Variants in PTCHD4 observed in about 807,000 individuals in gnomAD.
PTCHD4 encodes patched domain-containing protein 4.
PTCHD4 carries 33 observed loss-of-function variants against 58.1 expected under a neutral mutation model. That is an observed-to-expected ratio of 0.57 (90% CI 0.43 to 0.76). The LOEUF (loss-of-function observed/expected upper bound fraction) is 0.76, where lower values mean the gene tolerates loss of function less well. Among genes scored for constraint, PTCHD4 ranks in the 30% least tolerant of loss-of-function variants. The pLI is 0.00. For missense variants in PTCHD4, 1,058 were observed against 1,027.1 expected (o/e 1.03, Z -0.41); for synonymous variants, 478 against 409.6 (o/e 1.17, Z -2.02).
In PTCHD4 at chr6:47,860,753, A is replaced by G. The variant is rs760651857; in HGVS notation, c.*17550T>C. Reference sequence around the variant, plus strand: ...ATAGGTAGAGGGTTAAAAACCCACTAGTCTACTAGTTTATTTCACTCATTG... The same window carrying G: ...ATAGGTAGAGGGTTAAAAACCCACTGGTCTACTAGTTTATTTCACTCATTG... On this transcript the variant is annotated 3_prime_UTR_variant, in exon 5 of 5. Transcript: ENST00000339488. 6.6e-6 allele frequency among the ~76,000 whole-genome samples: 1 copy of G among 151,998 alleles called. No individual in the cohort carries two copies. The highest frequency in any genetic ancestry group is 1.5e-5 in the Non-Finnish European group (1 of 67,928).
chr6:47,974,025 G>T (rs1216768100), intron 4 of PTCHD4, among the ~76,000 whole-genome samples: 2 of 152,290 alleles, frequency 1.3e-5, no homozygotes, highest in South Asian at 2.1e-4. Flanking sequence ...GAAAGAGTAG[G>T]TGACGACGGG....
intron 4 of PTCHD4, among the ~76,000 whole-genome samples, chr6:47,902,341 T>C (rs976894044): frequency 2.0e-5 from 3 of 152,166 alleles, no homozygotes; most frequent in Non-Finnish European, 4.4e-5. Flanking sequence ...TGAAGGCATA[T>C]ATTCAAGAAA....
intron 4 of PTCHD4, among the ~76,000 whole-genome samples, chr6:47,955,921 A>C (rs1366718228): frequency 3.3e-5 from 5 of 152,094 alleles, no homozygotes; most frequent in Non-Finnish European, 7.4e-5. Flanking sequence ...CTTTCTCACA[A>C]CTTTTACCTA....
chr6:48,050,738 C>G (rs1310657589), intron 3 of PTCHD4, among the ~76,000 whole-genome samples: 1 of 151,948 alleles, frequency 6.6e-6, no homozygotes, highest in Non-Finnish European at 1.5e-5. Context: ...TGAGACTTGA[C>G]CTATCCCTGT....
At chr6:48,043,803 G>C (rs1200608455) in intron 3 of PTCHD4, among the ~76,000 whole-genome samples, 6 of 151,842 alleles carry the variant, frequency 4.0e-5, no homozygotes, top group Middle Eastern at 3.2e-3. Context: ...AGGGGATAAA[G>C]CTTATCAGAT....
intron 4 of PTCHD4, among the ~76,000 whole-genome samples, chr6:47,924,157 G>GC (rs1765521948): frequency 6.6e-6 from 1 of 151,996 alleles, no homozygotes; most frequent in Non-Finnish European, 1.5e-5. Flanking sequence ...GTTCTTGTGA[G>GC]CCTCCCCCTC....
chr6:47,969,458 A>C (rs1325178687), intron 4 of PTCHD4, among the ~76,000 whole-genome samples: 1 of 152,246 alleles, frequency 6.6e-6, no homozygotes, highest in Non-Finnish European at 1.5e-5. Context: ...TTATTGGCTT[A>C]TCCTTATAAA....
intron 3 of PTCHD4, among the ~76,000 whole-genome samples, chr6:48,054,415 G>T (rs1017221034): frequency 6.6e-6 from 1 of 151,900 alleles, no homozygotes; most frequent in African/African-American, 2.4e-5. Context: ...TTTATATTTT[G>T]CTTTCTTAAG....
chr6:48,015,323 T>C (rs1260853118), intron 3 of PTCHD4, among the ~76,000 whole-genome samples: 3 of 151,942 alleles, frequency 2.0e-5, no homozygotes, highest in Non-Finnish European at 4.4e-5. Flanking sequence ...TGAGACAACA[T>C]CATCCCTACA....
chr6:47,921,733 T>G (rs545523344), intron 4 of PTCHD4, among the ~76,000 whole-genome samples: 6 of 152,206 alleles, frequency 3.9e-5, no homozygotes, highest in African/African-American at 1.4e-4. Context: ...CACAATGGGT[T>G]TCAGAAGAGG....
intron 1 of PTCHD4, among the ~76,000 whole-genome samples, chr6:48,108,292 T>C (rs1174569678): frequency 1.3e-5 from 2 of 152,138 alleles, no homozygotes; most frequent in African/African-American, 4.8e-5. Flanking sequence ...TGAGTTCATG[T>C]CCTTTGTAGG....
intron 3 of PTCHD4, among the ~76,000 whole-genome samples, chr6:48,062,874 A>G (rs1046474171): frequency 6.6e-6 from 1 of 152,142 alleles, no homozygotes; most frequent in Admixed American, 6.5e-5. Flanking sequence ...ATTGGCTGAC[A>G]AGAATCCTGA....
chr6:48,031,896 T>G (rs1008183373), intron 3 of PTCHD4, among the ~76,000 whole-genome samples: 13 of 152,226 alleles, frequency 8.5e-5, no homozygotes, highest in Non-Finnish European at 1.9e-4. Context: ...ATCCTAAGAA[T>G]AGTTTTCAGT....
At chr6:47,998,017 C>T (rs1581993698) in intron 4 of PTCHD4, among the ~76,000 whole-genome samples, 1 of 152,066 alleles carries the variant, frequency 6.6e-6, no homozygotes, top group East Asian at 1.9e-4. Flanking sequence ...GCATTTTCAC[C>T]CTACAAGTTT....
intron 4 of PTCHD4, among the ~76,000 whole-genome samples, chr6:48,004,209 TG>T (rs1255423614): frequency 6.6e-6 from 1 of 152,156 alleles, no homozygotes; most frequent in African/African-American, 2.4e-5. Flanking sequence ...ACAATTTAAA[TG>T]AGTCTCAGTT....
At chr6:47,988,580 G>T (rs1768165795) in intron 4 of PTCHD4, among the ~76,000 whole-genome samples, 1 of 152,192 alleles carries the variant, frequency 6.6e-6, no homozygotes, top group Non-Finnish European at 1.5e-5. Context: ...ACCCATGGGA[G>T]ATCATATGAG....
At chr6:47,947,442 T>A (rs1330021539) in intron 4 of PTCHD4, among the ~76,000 whole-genome samples, 1 of 152,094 alleles carries the variant, frequency 6.6e-6, no homozygotes, top group African/African-American at 2.4e-5. Context: ...ATTTTTTTTC[T>A]TCTTGAATTA....
intron 4 of PTCHD4, among the ~76,000 whole-genome samples, chr6:47,942,753 A>G (rs1766281647): frequency 6.6e-6 from 1 of 152,224 alleles, no homozygotes; most frequent in African/African-American, 2.4e-5. Flanking sequence ...AATGAGGTAC[A>G]CTTTTTGTTC....
At chr6:47,959,552 C>G (rs1040088770) in intron 4 of PTCHD4, among the ~76,000 whole-genome samples, 1 of 151,932 alleles carries the variant, frequency 6.6e-6, no homozygotes, top group African/African-American at 2.4e-5. Context: ...AAATTATAAA[C>G]CCATAGACGC....
Sources: gnomAD v4.1 joint callset for allele counts (sites outside exome capture counted in the v4.1 genomes callset) on GRCh38, gnomAD v4.1.1 for gene constraint, MANE v1.5 for transcripts, NCBI Gene and HGNC (gene_info 2026-07-23, HGNC 2026-07-21) for gene names.